The following NDUFA9 variants were observed in gnomAD, a reference collection of about 807,000 sequenced individuals.
NDUFA9 encodes the protein NADH:ubiquinone oxidoreductase subunit A9.
A neutral mutation model predicts 45.9 loss-of-function variants in NDUFA9; 23 were observed. The observed-to-expected ratio is 0.50, with a 90% confidence interval of 0.36 to 0.71. The LOEUF is 0.71. Ranked by LOEUF, NDUFA9 falls within the 30% of genes least tolerant of loss-of-function variation. NDUFA9 has a pLI of 0.00. For synonymous variants in NDUFA9, 176 were observed against 170.5 expected, an observed-to-expected ratio of 1.03 and a Z score of -0.25; for missense variants, 466 against 488.2, an observed-to-expected ratio of 0.95 and a Z score of 0.43.
intron 1 of NDUFA9, among the ~76,000 whole-genome samples, chr12:4,649,483 T>A (rs1176576892): frequency 2.0e-5 from 3 of 151,748 alleles, no homozygotes; most frequent in Non-Finnish European, 2.9e-5. Context: ...GGTTTAGGGT[T>A]ATGAGAAATA....
chr12:4,690,489 G>A lies in NDUFA9; in HGVS notation c.*3381G>A, dbSNP rs1316145890. ...GGAGGCTGATGGGGGTGGATCATGA[G>A]GTTAGGAGTTCAAGACCAGCCTGGC... On this transcript the variant is annotated 3_prime_UTR_variant, in exon 11 of 11. Coordinates refer to ENST00000266544, the MANE Select transcript of NDUFA9 (RefSeq NM_005002.5). 6.6e-6 allele frequency: 1 copy of A among 152,168 alleles called. No homozygotes were observed. The highest frequency in any genetic ancestry group is 1.5e-5 in the Non-Finnish European group (1 of 68,100). The allele number at this position is 152,168 out of a possible 1,614,324, so 9.4% of individuals were successfully genotyped here.
At chr12:4,684,105 A>C (rs1945969722) in intron 9 of NDUFA9, among the ~76,000 whole-genome samples, 1 of 152,178 alleles carries the variant, frequency 6.6e-6, no homozygotes, top group Admixed American at 6.5e-5. Context: ...GTGATCTGTT[A>C]GCATAGAATG....
chr12:4,684,828 G>C (rs1246602860), intron 9 of NDUFA9, among the ~76,000 whole-genome samples: 1 of 148,200 alleles, frequency 6.7e-6, no homozygotes, highest in East Asian at 1.9e-4. Context: ...TTTTCCTCAA[G>C]GGCCCCAGCT....
chr12:4,683,561 TG>T (rs2137487321), intron 9 of NDUFA9, among the ~76,000 whole-genome samples: 1 of 152,306 alleles, frequency 6.6e-6, no homozygotes, highest in East Asian at 1.9e-4. Context: ...GAATGCAGGG[TG>T]ATAACGATAT....
At chr12:4,668,282 GT>G (rs757503969) in intron 6 of NDUFA9, among the ~76,000 whole-genome samples, 174 bp from the exon 7 acceptor site, 11 of 152,108 alleles carry the variant, frequency 7.2e-5, no homozygotes, top group African/African-American at 2.4e-5. Context: ...TATTTTCCGA[GT>G]TTATTATCTG....
chr12:4,684,596 C>A (rs995542749), intron 9 of NDUFA9, among the ~76,000 whole-genome samples: 1 of 152,062 alleles, frequency 6.6e-6, no homozygotes, highest in African/African-American at 2.4e-5. Context: ...ATAGTGAGAC[C>A]CTGTCTGTGG....
Position 4,654,386 on chromosome 12 carries a change from T to A in NDUFA9, c.144T>A (p.Arg48=). The change falls in exon 2 of 11, where the codon CGT becomes CGA. Residue 48 remains arginine, a synonymous_variant. Transcript: ENST00000266544. The part of the protein sequence containing the change: ...HALMPHGKGG[R]SSVSGIVATV... ...TCATGCCTCATGGGAAAGGTGGACG[T>A]TCCTCAGTCAGTGGGATTGTGGCCA... The A allele has an allele frequency of 6.2e-7, 1 of 1,614,162 alleles. No homozygotes were observed. Among genetic ancestry groups the A allele is most frequent in the Non-Finnish European group, 8.5e-7 (1 of 1,179,992 alleles).
chr12:4,669,242 T>A (rs1408398674), intron 7 of NDUFA9, among the ~76,000 whole-genome samples: 1 of 152,196 alleles, frequency 6.6e-6, no homozygotes, highest in Non-Finnish European at 1.5e-5. Context: ...TCTAGACAGT[T>A]GTCAAATGTC....
At chr12:4,660,033 A>G (rs1945814913) in intron 5 of NDUFA9, among the ~76,000 whole-genome samples, 1 of 152,166 alleles carries the variant, frequency 6.6e-6, no homozygotes, top group Admixed American at 6.5e-5. Context: ...CATGACTGGA[A>G]GGGAATGGGA....
rs770505334 is a variant in NDUFA9 at position 4,685,288 on chromosome 12, C to T, written c.926C>T (p.Pro309Leu). The change falls in exon 10 of 11, where the codon CCA becomes CTA. Residue 309 changes from proline to leucine, a missense_variant. Coordinates refer to ENST00000266544, the MANE Select transcript of NDUFA9 (RefSeq NM_005002.5). Reference protein sequence around the residue: ...RWVARVFEISPFEPWITRDKV... With the variant: ...RWVARVFEISLFEPWITRDKV... ...GTAGCAAGAGTCTTTGAAATAAGCC[C>T]ATTTGAGCCCTGGATAACAAGGGAT... is the stretch of plus-strand genomic sequence containing the variant. The T allele has an allele frequency of 1.2e-5, 20 of 1,614,036 alleles. No individual in the cohort carries two copies. The highest frequency in any genetic ancestry group is 1.7e-5 in the Non-Finnish European group (20 of 1,179,944).
chr12:4,661,935 T>G (rs1020722105), intron 5 of NDUFA9, among the ~76,000 whole-genome samples: 2 of 152,056 alleles, frequency 1.3e-5, no homozygotes, highest in African/African-American at 4.8e-5. Flanking sequence ...CTCAAGAACC[T>G]GAGAAGTCCA....
At chr12:4,682,823 T>G (rs1945961757) in intron 9 of NDUFA9, among the ~76,000 whole-genome samples, 1 of 152,212 alleles carries the variant, frequency 6.6e-6, no homozygotes, top group Non-Finnish European at 1.5e-5. Flanking sequence ...TCCCAGTACT[T>G]TGGGAGGCCA....
At chr12:4,658,431 C>G (rs1285801085) in intron 4 of NDUFA9, among the ~76,000 whole-genome samples, 2 of 141,674 alleles carry the variant, frequency 1.4e-5, no homozygotes, top group African/African-American at 5.1e-5. Flanking sequence ...TTTTATCCCC[C>G]CTAATGATTA....
chr12:4,661,719 T>TTTTTTTTTTTTTTTTTTTTTTA (rs1310467016), intron 5 of NDUFA9, among the ~76,000 whole-genome samples: 1 of 150,594 alleles, frequency 6.6e-6, no homozygotes, highest in Non-Finnish European at 1.5e-5. Context: ...CTAGAGTTCT[T>TTTTTTTTTTTTTTTTTTTTTTA]GAGAAGGTTG....
chr12:4,649,558 TTAGA>T (rs1161465761), intron 1 of NDUFA9, among the ~76,000 whole-genome samples: 1 of 152,188 alleles, frequency 6.6e-6, no homozygotes, highest in Non-Finnish European at 1.5e-5. Context: ...AGAGGTTTTC[TTAGA>T]TTGATTTTAT....
intron 8 of NDUFA9, among the ~76,000 whole-genome samples, chr12:4,681,423 AT>A (rs1220202880): frequency 6.6e-6 from 1 of 151,692 alleles, no homozygotes; most frequent in Admixed American, 6.6e-5. Flanking sequence ...AGATGTATAA[AT>A]GACCAAAAAT....
At chr12:4,651,913 C>G (rs1172586005) in intron 1 of NDUFA9, among the ~76,000 whole-genome samples, 1 of 152,134 alleles carries the variant, frequency 6.6e-6, no homozygotes, top group Non-Finnish European at 1.5e-5. Flanking sequence ...GACTAACTGG[C>G]CTTATTTTAA....
rs879059687 is a variant in NDUFA9, at chr12:4,689,742, C to T, written c.*2634C>T. On this transcript the variant is annotated 3_prime_UTR_variant, in exon 11 of 11. Coordinates refer to ENST00000266544, the MANE Select transcript of NDUFA9 (RefSeq NM_005002.5). ...AACAATGTGATTTCTCTATCTTTTC[C>T]CCACATTTCCCCCTTTTCTATTCCG... 1 of 178,372 alleles carries T rather than the reference C, an allele frequency of 5.6e-6. No individual in the cohort carries two copies. Among genetic ancestry groups the T allele is most frequent in the South Asian group, 1.4e-4 (1 of 7,202 alleles). The allele number at this position is 178,372 out of a possible 1,614,324, so 11.0% of individuals were successfully genotyped here. A position where few individuals can be genotyped will look rare whatever the true frequency, so the allele number is the denominator to read the frequency against.
intron 7 of NDUFA9, among the ~76,000 whole-genome samples, chr12:4,669,085 AAGT>A (rs1187027813): frequency 6.6e-6 from 1 of 152,218 alleles, no homozygotes; most frequent in African/African-American, 2.4e-5. Flanking sequence ...AGATTGAACC[AAGT>A]TTTCTCAGTA....
Sources: gnomAD v4.1 joint callset for allele counts (sites outside exome capture counted in the v4.1 genomes callset) on GRCh38, gnomAD v4.1.1 for gene constraint, MANE v1.5 for transcripts, NCBI Gene and HGNC (gene_info 2026-07-23, HGNC 2026-07-21) for gene names.